Variants in VPS13B observed in about 807,000 individuals in gnomAD.
VPS13B encodes the protein vacuolar protein sorting 13 homolog B, also known as intermembrane lipid transfer protein VPS13B.
In VPS13B, 285 loss-of-function variants were observed where a neutral mutation model predicts 426.4. The observed-to-expected ratio is 0.67, with a 90% CI of 0.61 to 0.74. The LOEUF is 0.74. VPS13B is among the 30% of genes least tolerant of loss of function. VPS13B has a pLI of 0.00. For synonymous variants in VPS13B, 1,676 were observed against 1,676.4 expected, an observed-to-expected ratio of 1.00 and a Z score of 0.01; for missense variants, 4,537 against 4,782.6, an observed-to-expected ratio of 0.95 and a Z score of 1.51.
intron 35 of VPS13B, among the ~76,000 whole-genome samples, chr8:99,669,270 T>A (rs976394824): frequency 1.3e-5 from 2 of 152,066 alleles, no homozygotes; most frequent in Non-Finnish European, 2.9e-5. Flanking sequence ...AATGCAATTT[T>A]TTTTTAATTT....
chr8:99,022,190 C>T (rs1336813124), intron 2 of VPS13B, among the ~76,000 whole-genome samples: 1 of 149,914 alleles, frequency 6.7e-6, no homozygotes, highest in Non-Finnish European at 1.5e-5. Context: ...TTTCTAGTTT[C>T]CTGAGTTGGA....
chr8:99,697,899 T>G, intron 35 of VPS13B: 1 of 482,278 alleles, frequency 2.1e-6, no homozygotes, highest in Non-Finnish European at 4.0e-6. Context: ...GTGATTGAGT[T>G]GGTGGACAAA....
intron 14 of VPS13B, among the ~76,000 whole-genome samples, chr8:99,153,855 T>C (rs1029269525): frequency 6.6e-6 from 1 of 152,052 alleles, no homozygotes; most frequent in Non-Finnish European, 1.5e-5. Context: ...TTAACACATC[T>C]AGTAAGGCAG....
chr8:99,858,439 C>T (rs552174005), intron 56 of VPS13B, among the ~76,000 whole-genome samples: 2 of 152,214 alleles, frequency 1.3e-5, no homozygotes, highest in Non-Finnish European at 2.9e-5. Context: ...CAAGGGAACA[C>T]TCCCCTCTCA....
At chr8:99,055,938 G>A (rs933662764) in intron 3 of VPS13B, among the ~76,000 whole-genome samples, 2 of 148,084 alleles carry the variant, frequency 1.4e-5, no homozygotes, top group African/African-American at 2.5e-5. Flanking sequence ...AGAGGGTCTT[G>A]GTATGTTGAT....
intron 43 of VPS13B, among the ~76,000 whole-genome samples, chr8:99,788,071 T>A (rs1394710040): frequency 6.6e-6 from 1 of 151,948 alleles, no homozygotes; most frequent in African/African-American, 2.4e-5. Flanking sequence ...TATTTAAAAC[T>A]ACAGGTCAGG....
At chr8:99,133,966 G>A (rs1376352915) in intron 8 of VPS13B, among the ~76,000 whole-genome samples, 1 of 152,200 alleles carries the variant, frequency 6.6e-6, no homozygotes, top group Non-Finnish European at 1.5e-5. Flanking sequence ...CTTGATTCAT[G>A]TGGGGTTGCT....
At chr8:99,643,379 C>T (rs965496347) in intron 34 of VPS13B, among the ~76,000 whole-genome samples, 3 of 152,188 alleles carry the variant, frequency 2.0e-5, no homozygotes, top group Non-Finnish European at 4.4e-5. Flanking sequence ...GACAATGTAT[C>T]TAATCTGGAA....
chr8:99,312,610 T>A (rs1435586876), intron 19 of VPS13B, among the ~76,000 whole-genome samples: 8 of 152,182 alleles, frequency 5.3e-5, no homozygotes, highest in East Asian at 1.9e-4. Context: ...CATTTTTTCC[T>A]TCATTTCAAC....
At chr8:99,813,035 T>G (rs1363784688) in intron 44 of VPS13B, among the ~76,000 whole-genome samples, 1 of 152,200 alleles carries the variant, frequency 6.6e-6, no homozygotes, top group Non-Finnish European at 1.5e-5. Flanking sequence ...ATCTTGAAAT[T>G]CTAACCATAA....
At chr8:99,367,023 G>A (rs1014782377) in intron 19 of VPS13B, among the ~76,000 whole-genome samples, 1 of 152,126 alleles carries the variant, frequency 6.6e-6, no homozygotes, top group African/African-American at 2.4e-5. Context: ...TTCTACTTAA[G>A]AGTAGTTTGT....
chr8:99,816,826 T>C (rs1032709489), intron 44 of VPS13B, among the ~76,000 whole-genome samples: 1 of 151,766 alleles, frequency 6.6e-6, no homozygotes, highest in African/African-American at 2.4e-5. Context: ...ATAAATAAAC[T>C]GAATAAAATA....
chr8:99,109,643 T>C (rs1284999306), intron 5 of VPS13B, among the ~76,000 whole-genome samples: 1 of 152,194 alleles, frequency 6.6e-6, no homozygotes, highest in Admixed American at 6.5e-5. Context: ...CCTCCCAAAG[T>C]GCTGGGATTA....
rs1010925574 is a variant in VPS13B at position 99,695,419 on chromosome 8, A to G, written c.6047-4106A>G. On this transcript the variant is annotated intron_variant, in intron 35 of 61. Transcript: ENST00000357162. Reference sequence around the variant, plus strand: ...TGTAGGGACATGGATGAAACTGGAAAACATCATTCTCAGTAAACTATCGCA... The same window carrying G: ...TGTAGGGACATGGATGAAACTGGAAGACATCATTCTCAGTAAACTATCGCA... 4.6e-5 allele frequency among the ~76,000 whole-genome samples: 7 copies of G among 151,298 alleles called. 1 individual carries two copies. The highest frequency in any genetic ancestry group is 1.7e-4 in the African/African-American group (7 of 41,252).
chr8:99,181,976 G>T (rs1050401802), intron 16 of VPS13B, among the ~76,000 whole-genome samples: 1 of 151,968 alleles, frequency 6.6e-6, no homozygotes, highest in African/African-American at 2.4e-5. Context: ...ATGGGCAAAA[G>T]ACTTGAACAG....
intron 33 of VPS13B, among the ~76,000 whole-genome samples, chr8:99,616,057 G>T (rs1203449045): frequency 6.6e-6 from 1 of 152,028 alleles, no homozygotes. Flanking sequence ...TCTGGAGAAG[G>T]CCCCAGGAAT....
intron 35 of VPS13B, among the ~76,000 whole-genome samples, chr8:99,677,345 G>A (rs1221043934): frequency 6.6e-6 from 1 of 152,128 alleles, no homozygotes; most frequent in African/African-American, 2.4e-5. Context: ...TAATGAAACT[G>A]TAAGGACCTT....
chr8:99,595,391 C>T lies in VPS13B; in HGVS notation c.5220+17758C>T, dbSNP rs185839666. On this transcript the variant is annotated intron_variant, in intron 33 of 61. Transcript: ENST00000357162. ...TCAGTGGAGGAAAGAATAGTATTTTCAAGGAATAATGCTAGGATGACTGGA... is the reference window on the plus strand; with the variant it reads ...TCAGTGGAGGAAAGAATAGTATTTTTAAGGAATAATGCTAGGATGACTGGA... Among the ~76,000 whole-genome samples the T allele has an allele frequency of 7.1e-3, 1,085 of 151,860 alleles. 16 individuals are homozygous for T. The highest frequency in any genetic ancestry group is 0.025 in the African/African-American group (1,022 of 41,416).
intron 2 of VPS13B, among the ~76,000 whole-genome samples, chr8:99,030,155 T>TTTTTTTTTTTTTTTTTC (rs1554574347): frequency 6.9e-6 from 1 of 144,304 alleles, no homozygotes; most frequent in South Asian, 2.2e-4. Flanking sequence ...TTTTTTTTTT[T>TTTTTTTTTTTTTTTTTC]ACTTAATAGT....
Sources: allele counts gnomAD v4.1 joint callset (sites outside exome capture counted in the v4.1 genomes callset), GRCh38; gene constraint gnomAD v4.1.1; transcripts MANE v1.5; gene names NCBI Gene and HGNC (gene_info 2026-07-23, HGNC 2026-07-21).